Variants in CTNNA2 observed in about 807,000 individuals in gnomAD.
CTNNA2 encodes catenin alpha 2.
Under a neutral mutation model 101.0 loss-of-function variants are expected in CTNNA2, and 42 were observed. The observed-to-expected ratio is 0.42, with a 90% confidence interval of 0.32 to 0.54. The LOEUF is 0.54. Among genes scored for constraint, CTNNA2 ranks in the 20% least tolerant of loss-of-function variants. CTNNA2 has a pLI of 0.14. For missense variants in CTNNA2, 871 were observed against 1,223.1 expected (o/e 0.71, Z 4.29); for synonymous variants, 450 against 456.4 (o/e 0.99, Z 0.18).
intron 2 of CTNNA2, among the ~76,000 whole-genome samples, chr2:79,721,934 G>C (rs772790883): frequency 6.6e-6 from 1 of 152,062 alleles, no homozygotes; most frequent in East Asian, 1.9e-4. Context: ...AATAAATACC[G>C]TGCAGATGGG....
At chr2:79,625,036 C>A (rs1179932832) in intron 1 of CTNNA2, among the ~76,000 whole-genome samples, 2 of 152,104 alleles carry the variant, frequency 1.3e-5, no homozygotes, top group Non-Finnish European at 2.9e-5. Context: ...GGAAGGCACA[C>A]AAAAGACATA....
chr2:80,548,526 A>ATTATTAC, intron 11 of CTNNA2, among the ~76,000 whole-genome samples: 1 of 151,908 alleles, frequency 6.6e-6, no homozygotes, highest in Non-Finnish European at 1.5e-5. Flanking sequence ...TGTGCATCTC[A>ATTATTAC]TTATTACCAG....
At chr2:80,466,637 A>G (rs1296131043) in intron 9 of CTNNA2, among the ~76,000 whole-genome samples, 1 of 152,232 alleles carries the variant, frequency 6.6e-6, no homozygotes, top group African/African-American at 2.4e-5. Context: ...TCAATTTGCA[A>G]TGTTCACAAA....
At chr2:80,098,479 C>T (rs963523277) in intron 7 of CTNNA2, among the ~76,000 whole-genome samples, 12 of 152,290 alleles carry the variant, frequency 7.9e-5, no homozygotes, top group Admixed American at 7.8e-4. Context: ...AGGCAGTATC[C>T]CCGTTCTCGG....
intron 7 of CTNNA2, among the ~76,000 whole-genome samples, chr2:79,995,997 C>A (rs748431882): frequency 3.5e-4 from 53 of 152,116 alleles, no homozygotes; most frequent in Non-Finnish European, 6.2e-4. Context: ...TTCAAGATTT[C>A]TCTTTTGCAG....
chr2:79,671,372 T>C (rs1324600377), intron 2 of CTNNA2, among the ~76,000 whole-genome samples: 2 of 152,176 alleles, frequency 1.3e-5, no homozygotes, highest in South Asian at 2.1e-4. Context: ...GAGTACTTTT[T>C]CCCCAATACC....
chr2:79,667,649 C>A (rs1285335362), intron 2 of CTNNA2, among the ~76,000 whole-genome samples: 1 of 152,134 alleles, frequency 6.6e-6, no homozygotes, highest in East Asian at 1.9e-4. Context: ...TTATAGTTCA[C>A]CATTGAAGTC....
chr2:79,791,991 G>A (rs1489515256), intron 3 of CTNNA2, among the ~76,000 whole-genome samples: 2 of 152,204 alleles, frequency 1.3e-5, no homozygotes, highest in African/African-American at 2.4e-5. Context: ...TAAGAGTCAG[G>A]TGTAAATAAA....
chr2:80,498,342 C>A (rs7604514), intron 9 of CTNNA2, among the ~76,000 whole-genome samples: 81,984 of 152,052 alleles, frequency 0.54, 23,914 homozygotes, highest in East Asian at 0.94. Context: ...TTTGTGTAAT[C>A]ACCTGTGACT....
intron 15 of CTNNA2, among the ~76,000 whole-genome samples, chr2:80,595,103 CTTAATA>C (rs1469635644): frequency 6.6e-6 from 1 of 152,004 alleles, no homozygotes; most frequent in Non-Finnish European, 1.5e-5. Flanking sequence ...GTATTGACAT[CTTAATA>C]TTAAGTCTTC....
intron 7 of CTNNA2, among the ~76,000 whole-genome samples, chr2:80,314,178 C>T (rs1362271960): frequency 6.6e-6 from 1 of 152,160 alleles, no homozygotes. Context: ...CCAGCTGATG[C>T]ACAATCAAAA....
chr2:80,121,169 C>A (rs775279472), intron 7 of CTNNA2, among the ~76,000 whole-genome samples: 3 of 152,154 alleles, frequency 2.0e-5, no homozygotes, highest in Non-Finnish European at 4.4e-5. Flanking sequence ...CTCTCAAAGG[C>A]AGACCATTGA....
At chr2:79,914,122 C>A (rs62141606) in intron 7 of CTNNA2, among the ~76,000 whole-genome samples, 1 of 148,264 alleles carries the variant, frequency 6.7e-6, no homozygotes, top group Non-Finnish European at 1.5e-5. Context: ...AGCCGAGATC[C>A]CGCCACTGCA....
intron 1 of CTNNA2, among the ~76,000 whole-genome samples, chr2:79,625,322 T>C (rs1456459975): frequency 6.6e-6 from 1 of 152,114 alleles, no homozygotes; most frequent in African/African-American, 2.4e-5. Context: ...AACTGGAAGA[T>C]TATGGCTCTT....
chr2:79,872,548 A>G (rs1372535363), intron 5 of CTNNA2, among the ~76,000 whole-genome samples: 1 of 152,032 alleles, frequency 6.6e-6, no homozygotes, highest in East Asian at 1.9e-4. Flanking sequence ...ATCCATTTTC[A>G]TCTCTGGGGC....
chr2:80,066,542 A>G (rs1432302113), intron 7 of CTNNA2, among the ~76,000 whole-genome samples: 1 of 152,226 alleles, frequency 6.6e-6, no homozygotes, highest in Non-Finnish European at 1.5e-5. Context: ...ATAATGAGCT[A>G]TCACCTCACA....
At chr2:79,475,913 C>T (rs184116141) in intron 4 of CTNNA2, among the ~76,000 whole-genome samples, 2 of 152,004 alleles carry the variant, frequency 1.3e-5, no homozygotes, top group Non-Finnish European at 2.9e-5. Context: ...TGACCAACCC[C>T]GAATTGAATG....
In CTNNA2 at chr2:80,346,334, G is replaced by T. The variant is rs773719442; in HGVS notation, c.1057-46877G>T. 7.0e-4 allele frequency among the ~76,000 whole-genome samples: 106 copies of T among 151,986 alleles called. 1 individual carries two copies. The highest frequency in any genetic ancestry group is 1.0e-3 in the Non-Finnish European group (69 of 68,030). On this transcript the variant is annotated intron_variant, in intron 7 of 18. Transcript: ENST00000402739. ...GAAGCTTTTACTCATGGTAGAAGGT[G>T]AAGTGGGAGCAGGCAAGAGTAAAAG... is the stretch of plus-strand genomic sequence containing the variant.
intron 7 of CTNNA2, among the ~76,000 whole-genome samples, chr2:80,286,002 T>C (rs1452886839): frequency 6.6e-6 from 1 of 152,180 alleles, no homozygotes; most frequent in African/African-American, 2.4e-5. Flanking sequence ...TTTCTTACAG[T>C]GCCAACCCAT....
Sources: allele counts gnomAD v4.1 joint callset (sites outside exome capture counted in the v4.1 genomes callset), GRCh38; gene constraint gnomAD v4.1.1; transcripts MANE v1.5; gene names NCBI Gene and HGNC (gene_info 2026-07-23, HGNC 2026-07-21).